The following VWA3B variants were observed in gnomAD, a reference collection of about 807,000 sequenced individuals.
VWA3B encodes von Willebrand factor A domain containing 3B.
A neutral mutation model predicts 158.3 loss-of-function variants in VWA3B; 138 were observed. That is an observed-to-expected ratio of 0.87 (90% CI 0.76 to 1.00). VWA3B has a LOEUF of 1.00. Ranked by LOEUF, VWA3B falls within the 50% of genes least tolerant of loss-of-function variation. The probability of loss-of-function intolerance (pLI) is 0.00; values close to 1 mark genes in which losing one functional copy is unlikely to be tolerated. For missense variants in VWA3B, 1,555 were observed against 1,565.1 expected (o/e 0.99, Z 0.11); for synonymous variants, 596 against 587.3 (o/e 1.01, Z -0.21).
intron 19 of VWA3B, among the ~76,000 whole-genome samples, chr2:98,246,198 G>A (rs1287947424): frequency 6.6e-6 from 1 of 151,966 alleles, no homozygotes; most frequent in African/African-American, 2.4e-5. Context: ...TCAATTTTTA[G>A]AAGTAACCAC....
rs777079172 is a variant in VWA3B at position 98,162,988 on chromosome 2, T to C, written c.1114+12T>C. On this transcript the variant is annotated intron_variant, in intron 8 of 27. Coordinates refer to ENST00000477737, the MANE Select transcript of VWA3B (RefSeq NM_144992.5). ...CACTGTGGACTGCGGTTGGTGCTAT[T>C]TCTGGTCACTGGTGTAAAAGATTCA... is the stretch of plus-strand genomic sequence containing the variant. 6.2e-7 allele frequency: 1 copy of C among 1,613,854 alleles called. No homozygotes were observed. Among genetic ancestry groups the C allele is most frequent in the Admixed American group, 1.7e-5 (1 of 59,980 alleles).
At chr2:98,300,538 A>ATCC (rs199517078) in intron 25 of VWA3B, among the ~76,000 whole-genome samples, 2 of 150,800 alleles carry the variant, frequency 1.3e-5, no homozygotes, top group African/African-American at 2.4e-5. Context: ...TCGCGTCCTC[A>ATCC]TCCTCCTCCT....
At chr2:98,091,321 C>T (rs1030006126) in intron 1 of VWA3B, among the ~76,000 whole-genome samples, 2 of 152,208 alleles carry the variant, frequency 1.3e-5, no homozygotes, top group Non-Finnish European at 2.9e-5. Context: ...TGCGATTCCT[C>T]ACATGTAAGT....
At chr2:98,316,210 C>G (rs1191807148), downstream of VWA3B, among the ~76,000 whole-genome samples, 5 of 152,108 alleles carry the variant, frequency 3.3e-5, no homozygotes, top group Non-Finnish European at 7.4e-5. Flanking sequence ...AGTAGGAGAG[C>G]TAAAACAAGA....
intron 12 of VWA3B, chr2:98,207,539 C>A: frequency 1.9e-6 from 1 of 520,904 alleles, no homozygotes; most frequent in South Asian, 1.4e-5. Context: ...CGTTTCTTGT[C>A]TCAGCCATTC....
At chr2:98,319,513 T>C in the VWA3B span, among the ~76,000 whole-genome samples, 5,259 of 152,326 alleles carry the variant, frequency 0.035, 104 homozygotes, top group Admixed American at 0.043. Flanking sequence ...GAACTATCTA[T>C]AAAGCTGTAA....
chr2:98,242,655 T>A (rs1043818386), intron 19 of VWA3B, among the ~76,000 whole-genome samples: 7 of 149,464 alleles, frequency 4.7e-5, no homozygotes, highest in African/African-American at 1.5e-4. Context: ...GGATTGGTGC[T>A]CCAGCTCTGT....
intron 3 of VWA3B, among the ~76,000 whole-genome samples, chr2:98,119,178 T>C (rs762207700): frequency 7.9e-5 from 12 of 152,270 alleles, no homozygotes; most frequent in Non-Finnish European, 1.8e-4. Context: ...ATTTTCCATC[T>C]GCCTTTGTTG....
chr2:98,326,031 A>C, the VWA3B span, among the ~76,000 whole-genome samples: 1 of 152,226 alleles, frequency 6.6e-6, no homozygotes, highest in Admixed American at 6.5e-5. Context: ...AATAACAATA[A>C]AATATTTATG....
intron 8 of VWA3B, among the ~76,000 whole-genome samples, chr2:98,179,711 CTTCT>C (rs1473120635): frequency 1.4e-5 from 2 of 146,470 alleles, no homozygotes; most frequent in Non-Finnish European, 3.0e-5. Context: ...TTCTTTCTTT[CTTCT>C]TTCTTTTTCT....
intron 8 of VWA3B, among the ~76,000 whole-genome samples, chr2:98,179,921 TTCCTC>T: frequency 8.3e-6 from 1 of 120,684 alleles, no homozygotes; most frequent in East Asian, 3.6e-4. Flanking sequence ...CTCTCTCTCC[TTCCTC>T]CCTTCCTCCC....
chr2:98,141,902 GC>G, intron 7 of VWA3B, among the ~76,000 whole-genome samples: 1 of 152,176 alleles, frequency 6.6e-6, no homozygotes, highest in East Asian at 1.9e-4. Flanking sequence ...AGGTGACACT[GC>G]CTGAGGTCCT....
chr2:98,094,752 A>C (rs553342021), intron 2 of VWA3B, among the ~76,000 whole-genome samples: 7 of 152,280 alleles, frequency 4.6e-5, no homozygotes, highest in African/African-American at 1.7e-4. Flanking sequence ...TCATATTTTC[A>C]GATCCTACAA....
At chr2:98,190,369 T>TGCATTAC in intron 10 of VWA3B, among the ~76,000 whole-genome samples, 1 of 152,340 alleles carries the variant, frequency 6.6e-6, no homozygotes, top group South Asian at 2.1e-4. Context: ...CATTACACAA[T>TGCATTAC]ACATTCTAAA....
At chr2:98,283,009 C>T (rs541404597) in intron 22 of VWA3B, among the ~76,000 whole-genome samples, 27 of 152,278 alleles carry the variant, frequency 1.8e-4, no homozygotes, top group African/African-American at 5.8e-4. Context: ...AAAGAGTTAT[C>T]TGATTATTTT....
chr2:98,298,372 AG>A (rs1689947062), intron 24 of VWA3B, among the ~76,000 whole-genome samples: 1 of 117,178 alleles, frequency 8.5e-6, no homozygotes, highest in Non-Finnish European at 1.8e-5. Flanking sequence ...TAACTACAAA[AG>A]ATTCTATTCT....
chr2:98,297,805 A>G lies in VWA3B; in HGVS notation c.3158-102A>G, dbSNP rs1021439894. On this transcript the variant is annotated intron_variant, in intron 23 of 27. Coordinates refer to ENST00000477737, the MANE Select transcript of VWA3B (RefSeq NM_144992.5). ...ATCAAAGGGGCACACTGATTTAAAC[A>G]GGCAAAGTGTTATAACTCAGCATGG... The G allele has an allele frequency of 9.7e-6, 13 of 1,337,196 alleles. No individual in the cohort carries two copies. In the African/African-American group the frequency reaches 2.0e-4, roughly 20 times the overall value. 82.8% of individuals were successfully genotyped at this position (1,337,196 alleles called of 1,614,324 possible). A position where few individuals can be genotyped will look rare whatever the true frequency, so the allele number is the denominator to read the frequency against.
intron 10 of VWA3B, 63 bp from the exon 11 acceptor site, chr2:98,192,835 T>C: frequency 1.2e-6 from 2 of 1,610,370 alleles, no homozygotes; most frequent in Middle Eastern, 1.7e-4. Context: ...GTTAAGTTCT[T>C]GGGAAGATGC....
intron 1 of VWA3B, among the ~76,000 whole-genome samples, chr2:98,092,663 C>A (rs1373226870): frequency 6.6e-6 from 1 of 151,064 alleles, no homozygotes; most frequent in Non-Finnish European, 1.5e-5. Context: ...GAACAAAAAA[C>A]AACAACAACA....
Sources: allele counts gnomAD v4.1 joint callset (sites outside exome capture counted in the v4.1 genomes callset), GRCh38; gene constraint gnomAD v4.1.1; transcripts MANE v1.5; gene names NCBI Gene and HGNC (gene_info 2026-07-23, HGNC 2026-07-21).